The following KANSL3 variants were observed in gnomAD, a reference collection of about 807,000 sequenced individuals.
KANSL3 encodes the protein KAT8 regulatory NSL complex subunit 3.
A neutral mutation model predicts 89.2 loss-of-function variants in KANSL3; 16 were observed. The observed-to-expected ratio is 0.18, with a 90% CI of 0.12 to 0.27. The LOEUF (loss-of-function observed/expected upper bound fraction) is 0.27. KANSL3 is among the 10% of genes least tolerant of loss of function. The pLI is 1.00. For synonymous variants in KANSL3, 385 were observed against 419.7 expected, an observed-to-expected ratio of 0.92 and a Z score of 1.01; for missense variants, 879 against 1,110.6, an observed-to-expected ratio of 0.79 and a Z score of 2.96.
At position 96,609,074 on chromosome 2, in the gene KANSL3, A is replaced by C; in HGVS notation, c.1384-10T>G. ...AGTCCACAATCTCATCCTAGTGTAG[A>C]GAGGAGCCAACCAAGGCCTTTTAGT... On this transcript the variant is annotated splice_polypyrimidine_tract_variant and intron_variant, in intron 12 of 20. Coordinates refer to ENST00000431828, the MANE Select transcript of KANSL3 (RefSeq NM_001115016.3). 1 of 1,553,868 alleles carries C rather than the reference A, an allele frequency of 6.4e-7. No individual in the cohort carries two copies. The highest frequency in any genetic ancestry group is 2.4e-5 in the East Asian group (1 of 41,184).
chr2:96,589,565 A>T (rs1369174712), downstream of KANSL3, among the ~76,000 whole-genome samples: 1 of 152,248 alleles, frequency 6.6e-6, no homozygotes, highest in Non-Finnish European at 1.5e-5. Flanking sequence ...AAACTGACAG[A>T]ACTGAAAGGA....
Position 96,612,946 on chromosome 2 carries a change from G to A in KANSL3, c.796-12C>T. 1 of 1,529,850 alleles carries A rather than the reference G, an allele frequency of 6.5e-7. No individual in the cohort carries two copies. The highest frequency in any genetic ancestry group is 2.4e-5 in the East Asian group (1 of 40,948). 94.8% of individuals were successfully genotyped at this position (1,529,850 alleles called of 1,614,324 possible). ...CCAGGGAGTTTGCTCTAAAGAGGAA[G>A]AATCCCACCCAAAAACCAGTGAGTG... On this transcript the variant is annotated splice_polypyrimidine_tract_variant and intron_variant, in intron 6 of 20. Coordinates refer to ENST00000431828, the MANE Select transcript of KANSL3 (RefSeq NM_001115016.3).
chr2:96,619,408 A>C lies in KANSL3; in HGVS notation c.614T>G (p.Leu205Arg). 6.2e-7 allele frequency: 1 copy of C among 1,613,754 alleles called. No individual in the cohort carries two copies. Among genetic ancestry groups the C allele is most frequent in the Non-Finnish European group, 8.5e-7 (1 of 1,179,774 alleles). ...ATCCAGGTAGGCTGCCAGCATGGGC[A>C]GACTCAAGGTCTCCACAAGGGTGGT... Reference protein sequence around the residue: ...LHTTLVETLSLPMLAAYLDAL... With the variant: ...LHTTLVETLSRPMLAAYLDAL... The change falls in exon 5 of 21, where the codon CTG (leucine) becomes CGG (arginine). Residue 205 changes from leucine (L) to arginine (R), a missense_variant. By Grantham distance (102) the Leu-to-Arg change is moderately radical. Around this residue, in one of 6 missense-constraint regions of KANSL3, gnomAD observed 210 missense variants for 311.9 expected, o/e 0.67. Transcript: ENST00000431828.
At position 96,628,524 on chromosome 2, in the gene KANSL3, G is replaced by A. The variant is rs546420776; in HGVS notation, c.386+2788C>T. On this transcript the variant is annotated intron_variant, in intron 3 of 20. Transcript: ENST00000431828. ...AATTAAGAAATGGTGACGTACTCCT[G>A]TAGTCCCAGCTACTTGGGAGGTTAA... The A allele has an allele frequency of 1.3e-4, 22 of 170,928 alleles. No homozygotes were observed. In the South Asian group the frequency reaches 2.7e-3, roughly 21 times the overall value. 10.6% of individuals were successfully genotyped at this position (170,928 alleles called of 1,614,324 possible).
intron 5 of KANSL3, among the ~76,000 whole-genome samples, chr2:96,618,574 T>C (rs2070665516): frequency 6.6e-6 from 1 of 152,258 alleles, no homozygotes. Flanking sequence ...TTAATATTAG[T>C]AATAATAATT....
chr2:96,607,520 A>G (rs1387881810), intron 14 of KANSL3, among the ~76,000 whole-genome samples: 1 of 152,178 alleles, frequency 6.6e-6, no homozygotes, highest in Admixed American at 6.5e-5. Flanking sequence ...AAGTGTAAAG[A>G]CACACTGTCC....
chr2:96,627,419 T>C (rs1191682260), intron 3 of KANSL3, among the ~76,000 whole-genome samples: 2 of 152,130 alleles, frequency 1.3e-5, no homozygotes, highest in African/African-American at 4.8e-5. Context: ...TTCACTATGT[T>C]GGTCAGGCTG....
intron 3 of KANSL3, chr2:96,627,935 G>GT (rs1338554868): frequency 1.6e-6 from 2 of 1,289,770 alleles, no homozygotes; most frequent in Non-Finnish European, 2.0e-6. Context: ...AAGAGATGGT[G>GT]TGTAAGCCTG....
rs1341970660 is a variant in KANSL3, at chr2:96,605,418, C to T, written c.1835G>A (p.Ser612Asn). The change falls in exon 15 of 21, where the codon AGT (serine) becomes AAT (asparagine). Residue 612 changes from serine (S) to asparagine (N), a missense_variant. By Grantham distance (46) the Ser-to-Asn change is conservative (BLOSUM62 1). Coordinates refer to ENST00000431828, the MANE Select transcript of KANSL3 (RefSeq NM_001115016.3). ...GATCTTCGGTCGTTTGGAGGTCTTA[C>T]TGCCAGGAAGGGGACTCGAGGGATG... is the stretch of plus-strand genomic sequence containing the variant. ...RHHPSSPLPG[S>N]KTSKRPKIKV... 1.2e-6 allele frequency: 2 copies of T among 1,613,992 alleles called. No individual in the cohort carries two copies. Among genetic ancestry groups the T allele is most frequent in the Non-Finnish European group, 1.7e-6 (2 of 1,179,870 alleles).
chr2:96,637,193 GAA>G lies in KANSL3; in HGVS notation c.-50-10_-50-9del. 1.7e-6 allele frequency: 2 copies of G among 1,168,100 alleles called. No homozygotes were observed. Among genetic ancestry groups the G allele is most frequent in the East Asian group, 2.6e-5 (1 of 38,954 alleles). The allele number at this position is 1,168,100 out of a possible 1,614,324, so 72.4% of individuals were successfully genotyped here. On this transcript the variant is annotated splice_polypyrimidine_tract_variant and intron_variant, in intron 1 of 20. Coordinates refer to ENST00000431828, the MANE Select transcript of KANSL3 (RefSeq NM_001115016.3). The stretch of plus-strand genomic sequence containing the variant: ...TATCTGCATGCTAGTCACCTGCAGT[GAA>G]AAGTTTCAGTTTAGGTCAATTCCAA...
intron 3 of KANSL3, chr2:96,628,591 G>A (rs1321150833): frequency 6.2e-6 from 1 of 160,986 alleles, no homozygotes; most frequent in African/African-American, 2.4e-5. Flanking sequence ...GGAGGTCAAG[G>A]CTTGTAGTGA....
At chr2:96,597,917 A>C (rs2066696587) in intron 20 of KANSL3, among the ~76,000 whole-genome samples, 1 of 152,104 alleles carries the variant, frequency 6.6e-6, no homozygotes, top group Non-Finnish European at 1.5e-5. Context: ...CATTCTATTA[A>C]GATGAAAACT....
At chr2:96,608,689 G>A in intron 13 of KANSL3, 25 bp from the exon 14 acceptor site, 1 of 1,613,918 alleles carries the variant, frequency 6.2e-7, no homozygotes, top group East Asian at 2.2e-5. Flanking sequence ...AAGGTCAAGA[G>A]ATGAGACAAT....
rs557032491 is a variant in KANSL3, at chr2:96,608,884, C to T, written c.1564G>A (p.Ala522Thr). 20 of 1,579,176 alleles carry T rather than the reference C, an allele frequency of 1.3e-5. No homozygotes were observed. The highest frequency in any genetic ancestry group is 5.4e-5 in the African/African-American group (4 of 74,348). Residue 522 changes from alanine (A) to threonine (T), a missense_variant, in exon 13 of 21, where the codon GCC becomes ACC. Ala to Thr is a moderately conservative substitution (Grantham distance 58). Coordinates refer to ENST00000431828, the MANE Select transcript of KANSL3 (RefSeq NM_001115016.3). ...ACTACCTCTGAGCCTGAGGGTGAGG[C>T]GGGCAGCTTGGCAGCTGGGGAGGCA... Reference protein sequence around the residue: ...RPASPAAKLPASPSGSEDLSS... With the variant: ...RPASPAAKLPTSPSGSEDLSS...
intron 5 of KANSL3, among the ~76,000 whole-genome samples, chr2:96,618,881 G>A (rs2070720093): frequency 6.6e-6 from 1 of 152,214 alleles, no homozygotes; most frequent in African/African-American, 2.4e-5. Flanking sequence ...GAACTATAAT[G>A]ATATGTTTGT....
In KANSL3 at chr2:96,602,834, T is replaced by C. The variant is rs748404666; in HGVS notation, c.2178A>G (p.Gln726=). Residue 726 remains glutamine (Q), a synonymous_variant, in exon 18 of 21, where the codon CAA becomes CAG. Transcript: ENST00000431828. ...TATCCTGCAAGCTGAAGCTGAGGCC[T>C]TGGAGGAGGCTGCTGGCTGATGTGG... ...PGATSASSLL[Q]GLSFSLQDIS... is the part of the protein sequence containing the mutation. 1 of 1,613,804 alleles carries C rather than the reference T, an allele frequency of 6.2e-7. No individual in the cohort carries two copies. Among genetic ancestry groups the C allele is most frequent in the South Asian group, 1.1e-5 (1 of 91,072 alleles).
chr2:96,637,348 C>A (rs1028224522), intron 1 of KANSL3, 163 bp from the exon 2 acceptor site: 10 of 479,374 alleles, frequency 2.1e-5, no homozygotes, highest in African/African-American at 9.9e-5. Flanking sequence ...CACACCAACA[C>A]CAAAAAAAAA....
At chr2:96,612,007 T>G (rs2069090628) in intron 9 of KANSL3, among the ~76,000 whole-genome samples, 1 of 148,618 alleles carries the variant, frequency 6.7e-6, no homozygotes, top group South Asian at 2.1e-4. Context: ...ATGAGCAGGG[T>G]GAGATGAAAC....
At chr2:96,611,013 C>T in intron 10 of KANSL3, 51 bp downstream of exon 10, 1 of 1,589,836 alleles carries the variant, frequency 6.3e-7, no homozygotes, top group Non-Finnish European at 8.6e-7. Flanking sequence ...GGCATGCACA[C>T]TCGCGCTCCC....
Sources: gnomAD v4.1 joint callset for allele counts (sites outside exome capture counted in the v4.1 genomes callset) on GRCh38, gnomAD v4.1.1 for gene constraint, gnomAD v4.1.1 regional missense constraint, MANE v1.5 for transcripts, NCBI Gene and HGNC (gene_info 2026-07-23, HGNC 2026-07-21) for gene names.